RFX3: variants seen among roughly 807,000 people sequenced by gnomAD.
RFX3 encodes regulatory factor X3.
Under a neutral mutation model 98.6 loss-of-function variants are expected in RFX3, and 14 were observed. The observed-to-expected ratio is 0.14, with a 90% CI of 0.09 to 0.22. The LOEUF is 0.22. Among genes scored for constraint, RFX3 ranks in the 10% least tolerant of loss-of-function variants. The probability of loss-of-function intolerance (pLI) is 1.00; values close to 1 mark genes in which losing one functional copy is unlikely to be tolerated. For missense variants in RFX3, 639 were observed against 926.9 expected, an observed-to-expected ratio of 0.69 and a Z score of 4.03; for synonymous variants, 383 against 328.4, an observed-to-expected ratio of 1.17 and a Z score of -1.80.
intron 2 of RFX3, among the ~76,000 whole-genome samples, chr9:3,385,980 G>A (rs1011841837): frequency 5.3e-5 from 8 of 152,094 alleles, no homozygotes; most frequent in Admixed American, 2.0e-4. Flanking sequence ...TTTTTCAAAC[G>A]ACTGATGACT....
At chr9:3,400,898 A>T (rs374714180) in intron 1 of RFX3, among the ~76,000 whole-genome samples, 1 of 152,166 alleles carries the variant, frequency 6.6e-6, no homozygotes, top group Non-Finnish European at 1.5e-5. Context: ...CACAACTAGT[A>T]AGAGAAAAAG....
At position 3,263,918 on chromosome 9, in the gene RFX3, G is replaced by A. The variant is rs757583282; in HGVS notation, c.1456-834C>T. Among the ~76,000 whole-genome samples the A allele has an allele frequency of 1.5e-4, 23 of 152,116 alleles. 1 individual carries two copies. Among genetic ancestry groups the A allele is most frequent in the Middle Eastern group, 3.2e-3 (1 of 316 alleles). Reference sequence around the variant, plus strand: ...ACCTCTGCTTGCTGCCTGTTAGAGCGGAACCTGCTTTCCTTTTCTAATGTT... The same window carrying A: ...ACCTCTGCTTGCTGCCTGTTAGAGCAGAACCTGCTTTCCTTTTCTAATGTT... On this transcript the variant is annotated intron_variant, in intron 12 of 16. Transcript: ENST00000617270.
chr9:3,405,810 AG>A (rs964316071), intron 1 of RFX3, among the ~76,000 whole-genome samples: 1 of 152,178 alleles, frequency 6.6e-6, no homozygotes, highest in African/African-American at 2.4e-5. Context: ...CAGTGCCCTC[AG>A]GATAAACTGC....
At chr9:3,479,597 G>C (rs921355161) in intron 1 of RFX3, among the ~76,000 whole-genome samples, 11 of 152,102 alleles carry the variant, frequency 7.2e-5, no homozygotes, top group African/African-American at 2.7e-4. Flanking sequence ...CAAAAACAAA[G>C]GTGATTACTG....
intron 1 of RFX3, among the ~76,000 whole-genome samples, chr9:3,431,546 TTC>T (rs1222986270): frequency 2.0e-5 from 3 of 152,180 alleles, no homozygotes; most frequent in African/African-American, 7.2e-5. Flanking sequence ...AATTACCCTT[TTC>T]TGTCATATTG....
intron 1 of RFX3, among the ~76,000 whole-genome samples, chr9:3,461,696 C>T (rs1009433157): frequency 2.0e-5 from 3 of 151,518 alleles, no homozygotes; most frequent in South Asian, 2.1e-4. Flanking sequence ...TTTACATGAA[C>T]GAAAACAAAA....
At position 3,220,775 on chromosome 9, in the gene RFX3, A is replaced by G. The variant is rs1438696662; in HGVS notation, c.*4267T>C. The G allele has an allele frequency of 2.0e-5, 3 of 152,158 alleles. No homozygotes were observed. The highest frequency in any genetic ancestry group is 4.4e-5 in the Non-Finnish European group (3 of 68,020). The allele number at this position is 152,158 out of a possible 1,614,324, so 9.4% of individuals were successfully genotyped here. On this transcript the variant is annotated 3_prime_UTR_variant, in exon 17 of 17. Transcript: ENST00000617270. ...AATGCTCAAAGGGTTAATACAAGGC[A>G]TTACATCAAAGGGGTTTTCTAATAC...
At chr9:3,396,981 G>T (rs1021059028) in intron 1 of RFX3, among the ~76,000 whole-genome samples, 5 of 152,046 alleles carry the variant, frequency 3.3e-5, no homozygotes, top group Non-Finnish European at 5.9e-5. Flanking sequence ...GTATAATATG[G>T]TACTAAAATC....
At chr9:3,320,278 C>T (rs915128295) in intron 4 of RFX3, among the ~76,000 whole-genome samples, 14 of 152,038 alleles carry the variant, frequency 9.2e-5, no homozygotes, top group African/African-American at 1.4e-4. Context: ...ATTGGCTGGG[C>T]GTGGTGGCTC....
At chr9:3,424,301 C>G (rs1463246927) in intron 1 of RFX3, among the ~76,000 whole-genome samples, 1 of 150,166 alleles carries the variant, frequency 6.7e-6, no homozygotes, top group African/African-American at 2.5e-5. Flanking sequence ...ATCATCTTCC[C>G]ACATTTGGGA....
At chr9:3,371,640 TTAAG>T (rs1837874030) in intron 2 of RFX3, among the ~76,000 whole-genome samples, 1 of 152,090 alleles carries the variant, frequency 6.6e-6, no homozygotes, top group South Asian at 2.1e-4. Flanking sequence ...ACTCATCAAC[TTAAG>T]TAAGATGAAA....
At chr9:3,273,606 G>C (rs963075634) in intron 9 of RFX3, among the ~76,000 whole-genome samples, 1 of 152,150 alleles carries the variant, frequency 6.6e-6, no homozygotes, top group Non-Finnish European at 1.5e-5. Context: ...GCTCATGCCT[G>C]TAATCCCAGC....
chr9:3,270,833 C>T (rs1254451331), intron 10 of RFX3, 170 bp downstream of exon 10: 7 of 910,158 alleles, frequency 7.7e-6, no homozygotes, highest in African/African-American at 5.0e-5. Context: ...TATACACACA[C>T]TGAAACCTCA....
At chr9:3,473,453 G>A (rs533912070) in intron 1 of RFX3, among the ~76,000 whole-genome samples, 2 of 152,084 alleles carry the variant, frequency 1.3e-5, no homozygotes, top group African/African-American at 2.4e-5. Flanking sequence ...TAAAACATGC[G>A]TACTGAATTA....
chr9:3,328,455 A>C (rs1832185374), intron 4 of RFX3, among the ~76,000 whole-genome samples: 1 of 152,196 alleles, frequency 6.6e-6, no homozygotes, highest in Non-Finnish European at 1.5e-5. Context: ...ATGGTTTATT[A>C]GTAGCAATCC....
intron 1 of RFX3, among the ~76,000 whole-genome samples, chr9:3,446,548 C>T (rs1846069137): frequency 1.3e-5 from 2 of 151,624 alleles, no homozygotes; most frequent in South Asian, 2.1e-4. Flanking sequence ...GAGATTTTAC[C>T]ATTTCAAGAT....
In RFX3 at chr9:3,414,736, GTA is replaced by G. The variant is rs1233443964; in HGVS notation, c.-8-19142_-8-19141del. ...TATATATGTATATATGAGTATATAT[GTA>G]TATATGAGTATATATGAGTATATAT... On this transcript the variant is annotated intron_variant, in intron 1 of 16. Coordinates refer to ENST00000617270, the MANE Select transcript of RFX3 (RefSeq NM_001282116.2). Among the ~76,000 whole-genome samples, 85 of 47,856 alleles carry G rather than the reference GTA, an allele frequency of 1.8e-3. 1 individual carries two copies. Among genetic ancestry groups the G allele is most frequent in the African/African-American group, 3.4e-3 (78 of 22,720 alleles). 31.4% of individuals were successfully genotyped at this position (47,856 alleles called of 152,430 possible).
At chr9:3,300,749 C>CT (rs1828553444) in intron 5 of RFX3, among the ~76,000 whole-genome samples, 1 of 151,854 alleles carries the variant, frequency 6.6e-6, no homozygotes, top group Non-Finnish European at 1.5e-5. Context: ...GGTCTATTTA[C>CT]TTTTTTCCAT....
At chr9:3,260,120 T>A (rs925300632) in intron 13 of RFX3, among the ~76,000 whole-genome samples, 1 of 152,020 alleles carries the variant, frequency 6.6e-6, no homozygotes, top group Admixed American at 6.6e-5. Flanking sequence ...CTCATTAATA[T>A]GTACAGAGCT....
Sources: allele counts gnomAD v4.1 joint callset (sites outside exome capture counted in the v4.1 genomes callset), GRCh38; gene constraint gnomAD v4.1.1; transcripts MANE v1.5; gene names NCBI Gene and HGNC (gene_info 2026-07-23, HGNC 2026-07-21).